The following FEZ2 variants were observed in gnomAD, a reference collection of about 807,000 sequenced individuals.
FEZ2 encodes the protein fasciculation and elongation protein zeta 2.
In FEZ2, 51 loss-of-function variants were observed where a neutral mutation model predicts 40.4. The ratio of observed to expected loss-of-function variants is 1.26; its 90% CI spans 1.01 to 1.59. FEZ2 has a LOEUF of 1.59. FEZ2 is among the 40% of genes most tolerant of loss of function. The pLI is 0.00. For synonymous variants in FEZ2, 242 were observed against 172.0 expected (o/e 1.41, Z -3.18); for missense variants, 640 against 438.3 (o/e 1.46, Z -4.11).
At chr2:36,564,255 A>G (rs1380831899) in intron 5 of FEZ2, among the ~76,000 whole-genome samples, 3 of 152,190 alleles carry the variant, frequency 2.0e-5, no homozygotes, top group Admixed American at 2.0e-4. Context: ...TGACAAGCCT[A>G]TGTTCCTGTC....
Position 36,590,906 on chromosome 2 carries a change from T to A in FEZ2, c.372A>T (p.Lys124Asn). Reference protein sequence around the residue: ...LHLLTLNLSEKGVSDSLLFDT... With the variant: ...LHLLTLNLSENGVSDSLLFDT... Reference sequence around the variant, plus strand: ...ATTGGTTCAATTCCTAACTTACCCCTTTTTCTGAGAGGTTCAGAGTAAGCA... The same window carrying A: ...ATTGGTTCAATTCCTAACTTACCCCATTTTCTGAGAGGTTCAGAGTAAGCA... Residue 124 changes from lysine to asparagine, a missense_variant, in exon 2 of 8, where the codon AAA becomes AAT. Transcript: ENST00000405912. 1 of 1,571,672 alleles carries A rather than the reference T, an allele frequency of 6.4e-7. No individual in the cohort carries two copies. The highest frequency in any genetic ancestry group is 8.8e-7 in the Non-Finnish European group (1 of 1,141,734).
chr2:36,585,948 T>C (rs1436735255), intron 2 of FEZ2, among the ~76,000 whole-genome samples: 1 of 152,218 alleles, frequency 6.6e-6, no homozygotes, highest in East Asian at 1.9e-4. Context: ...ATAGCTGATA[T>C]CATTTAAAGT....
In FEZ2 at chr2:36,597,956, G is replaced by GCCT. The variant is rs1669287163; in HGVS notation, c.186_187insAGG (p.Arg63dup). ...GGCTCGGCGCCCGGATCCGAGGGGC[G>GCCT]GAAGCACAGGCTCAGCTTCTCCTCC... is the stretch of plus-strand genomic sequence containing the variant. On this transcript the variant is annotated inframe_insertion, in exon 1 of 8. Transcript: ENST00000405912. The GCCT allele has an allele frequency of 1.4e-6, 2 of 1,466,524 alleles. No individual in the cohort carries two copies. 90.8% of individuals were successfully genotyped at this position (1,466,524 alleles called of 1,614,324 possible).
intron 1 of FEZ2, among the ~76,000 whole-genome samples, chr2:36,593,218 A>AC (rs1255587337): frequency 2.0e-5 from 3 of 152,190 alleles, no homozygotes; most frequent in South Asian, 2.1e-4. Flanking sequence ...GACAAAAGGC[A>AC]CTTCTTACAT....
intron 7 of FEZ2, among the ~76,000 whole-genome samples, chr2:36,553,680 C>T (rs550604250): frequency 9.8e-5 from 15 of 152,286 alleles, no homozygotes; most frequent in Admixed American, 5.2e-4. Flanking sequence ...ATACAGTGCC[C>T]ACCCTACTCC....
At chr2:36,561,113 A>C (rs1668081371) in intron 5 of FEZ2, among the ~76,000 whole-genome samples, 1 of 152,250 alleles carries the variant, frequency 6.6e-6, no homozygotes, top group African/African-American at 2.4e-5. Flanking sequence ...TTTCTGATGT[A>C]GCTAATTGTT....
intron 4 of FEZ2, among the ~76,000 whole-genome samples, chr2:36,579,951 T>A (rs533806628): frequency 6.6e-6 from 1 of 152,074 alleles, no homozygotes; most frequent in South Asian, 2.1e-4. Context: ...TAACCCAACA[T>A]GACTGGTATT....
rs1667839535 is a variant in FEZ2 at position 36,552,489 on chromosome 2, G to C, written c.*674C>G. ...AAAGTACAATTCTTCACAGACACAT[G>C]AAGCAGAACATTTGAAAATCAAAAC... On this transcript the variant is annotated 3_prime_UTR_variant, in exon 8 of 8. Transcript: ENST00000405912. The C allele has an allele frequency of 1.2e-5, 3 of 244,734 alleles. No individual in the cohort carries two copies. The highest frequency in any genetic ancestry group is 2.4e-5 in the Non-Finnish European group (3 of 122,794). 15.2% of individuals were successfully genotyped at this position (244,734 alleles called of 1,614,324 possible).
chr2:36,583,207 T>G (rs547411074), intron 3 of FEZ2, 146 bp downstream of exon 3: 2 of 537,808 alleles, frequency 3.7e-6, no homozygotes, highest in East Asian at 3.0e-5. Flanking sequence ...TTTTTCTCTG[T>G]GGAAGAGTTA....
intron 6 of FEZ2, chr2:36,557,275 C>T (rs1264180352): frequency 6.6e-6 from 1 of 152,088 alleles, no homozygotes; most frequent in African/African-American, 2.4e-5. Context: ...TTAAGTTCTT[C>T]CTGAAAATAA....
At chr2:36,574,714 T>C (rs2022211) in intron 5 of FEZ2, among the ~76,000 whole-genome samples, 59,013 of 151,318 alleles carry the variant, frequency 0.39, 11,696 homozygotes, top group East Asian at 0.63. Flanking sequence ...AAGAAGAGCA[T>C]TGAATATAAA....
intron 2 of FEZ2, among the ~76,000 whole-genome samples, chr2:36,586,839 A>C (rs1263707616): frequency 2.6e-5 from 4 of 152,176 alleles, no homozygotes; most frequent in Non-Finnish European, 5.9e-5. Context: ...CTAGCTACTC[A>C]GGAAGCTGGA....
intron 5 of FEZ2, among the ~76,000 whole-genome samples, chr2:36,569,563 A>G (rs1396734123): frequency 6.6e-6 from 1 of 152,254 alleles, no homozygotes; most frequent in Non-Finnish European, 1.5e-5. Context: ...ATGCTACATA[A>G]AAGTGAACAA....
Position 36,558,516 on chromosome 2 carries a change from G to A in FEZ2, c.904-3C>T. ...TAAGGAATGACTGTAGTCAAATACTGCCAAGTTTAAAAAAAAAAAGTGTCA... is the reference window on the plus strand; with the variant it reads ...TAAGGAATGACTGTAGTCAAATACTACCAAGTTTAAAAAAAAAAAGTGTCA... On this transcript the variant is annotated splice_region_variant and splice_polypyrimidine_tract_variant and intron_variant, in intron 5 of 7. Coordinates refer to ENST00000405912, the MANE Select transcript of FEZ2 (RefSeq NM_005102.3). 9.5e-6 allele frequency: 14 copies of A among 1,478,106 alleles called. No homozygotes were observed. The highest frequency in any genetic ancestry group is 5.0e-5 in the East Asian group (2 of 39,702). 91.6% of individuals were successfully genotyped at this position (1,478,106 alleles called of 1,614,324 possible).
chr2:36,594,463 C>CA (rs1450221542), intron 1 of FEZ2: 1 of 203,572 alleles, frequency 4.9e-6, no homozygotes, highest in East Asian at 1.6e-4. Context: ...AGGCAAAAGG[C>CA]ACTTCTTACA....
chr2:36,557,236 C>A (rs938941854), intron 6 of FEZ2: 1 of 152,124 alleles, frequency 6.6e-6, no homozygotes, highest in Non-Finnish European at 1.5e-5. Flanking sequence ...AACTAACCAT[C>A]CCCCTGTGTG....
rs774737139 is a variant in FEZ2, at chr2:36,556,058, G to C, written c.980-310C>G. 6 of 525,878 alleles carry C rather than the reference G, an allele frequency of 1.1e-5. No individual in the cohort carries two copies. In the African/African-American group the frequency reaches 1.2e-4, roughly 10 times the overall value. The allele number at this position is 525,878 out of a possible 1,614,324, so 32.6% of individuals were successfully genotyped here. A position where few individuals can be genotyped will look rare whatever the true frequency, so the allele number is the denominator to read the frequency against. On this transcript the variant is annotated intron_variant, in intron 6 of 7. Transcript: ENST00000405912. ...ACTGGGTTATTTACAAGGAGCCTTC[G>C]CTCTGTAATAATACCGGAAAGTGGG...
intron 5 of FEZ2, among the ~76,000 whole-genome samples, chr2:36,577,435 T>C (rs1668606695): frequency 6.6e-6 from 1 of 152,214 alleles, no homozygotes; most frequent in Non-Finnish European, 1.5e-5. Context: ...TTTTATATTT[T>C]TAGTAGAGAC....
intron 2 of FEZ2, chr2:36,589,829 C>G (rs188755567): frequency 1.3e-5 from 2 of 152,266 alleles, no homozygotes; most frequent in Non-Finnish European, 2.9e-5. Context: ...ATTAACAATA[C>G]TATGTAAAAT....
Sources: allele counts gnomAD v4.1 joint callset (sites outside exome capture counted in the v4.1 genomes callset), GRCh38; gene constraint gnomAD v4.1.1; transcripts MANE v1.5; gene names NCBI Gene and HGNC (gene_info 2026-07-23, HGNC 2026-07-21).